Variants in ALG13 observed in about 807,000 individuals in gnomAD.
ALG13 encodes the protein UDP-N-acetylglucosamine transferase subunit ALG13.
Under a neutral mutation model 87.8 loss-of-function variants are expected in ALG13, and 11 were observed. The observed-to-expected ratio is 0.13, with a 90% CI of 0.08 to 0.21. The LOEUF (loss-of-function observed/expected upper bound fraction) is 0.21. Among genes scored for constraint, ALG13 ranks in the 10% least tolerant of loss-of-function variants. The pLI is 1.00. For missense variants in ALG13, 756 were observed against 866.1 expected (o/e 0.87, Z 1.60); for synonymous variants, 320 against 306.3 (o/e 1.04, Z -0.47).
chrX:111,684,662 G>A (rs1225478513), intron 2 of ALG13, among the ~76,000 whole-genome samples: 1 of 111,904 alleles, frequency 8.9e-6, no homozygotes, highest in Non-Finnish European at 1.9e-5. Flanking sequence ...CCCGTCACAA[G>A]GCTATACCCC....
intron 4 of ALG13, 131 bp downstream of exon 4, chrX:111,708,524 T>C: frequency 1.3e-6 from 1 of 794,029 alleles, no homozygotes; most frequent in Admixed American, 3.1e-5. Context: ...GTCAAGGTCC[T>C]AGAGAGAAGC....
intron 8 of ALG13, 107 bp from the exon 9 acceptor site, chrX:111,717,739 G>A: frequency 2.0e-6 from 1 of 496,238 alleles, no homozygotes; most frequent in Non-Finnish European, 3.2e-6. Context: ...AATTCAGTTA[G>A]TTATCAGTTA....
intron 3 of ALG13, among the ~76,000 whole-genome samples, chrX:111,697,185 T>C (rs1033281793): frequency 9.0e-6 from 1 of 111,190 alleles, no homozygotes; most frequent in Non-Finnish European, 1.9e-5. Flanking sequence ...CATTAATAGG[T>C]GATCTATGGA....
intron 3 of ALG13, chrX:111,686,275 T>A: frequency 5.4e-6 from 2 of 371,285 alleles, no homozygotes; most frequent in Non-Finnish European, 8.2e-6. Flanking sequence ...TATATATATT[T>A]ATTTACATTA....
Position 111,708,989 on chromosome X carries a change from T to C in ALG13, c.775T>C (p.Leu259=), listed in dbSNP as rs940576359. ...GTTGTTTTGCAGCCAGGTCCATCAT[T>C]TGGAAATCAGGAAGGCTTGTGTCTC... ...EQLFCSQVHH[L]EIRKACVSYM... The change falls in exon 5 of 27, where the codon TTG becomes CTG. Residue 259 remains leucine (L), a synonymous_variant. Coordinates refer to ENST00000394780, the MANE Select transcript of ALG13 (RefSeq NM_001099922.3). The C allele has an allele frequency of 1.7e-6, 2 of 1,188,935 alleles. No homozygotes were observed. The highest frequency in any genetic ancestry group is 2.3e-6 in the Non-Finnish European group (2 of 881,703).
At chrX:111,705,526 C>T (rs1162632834) in intron 3 of ALG13, among the ~76,000 whole-genome samples, 7 of 111,168 alleles carry the variant, frequency 6.3e-5, no homozygotes, top group African/African-American at 2.0e-4. Context: ...TCTGAGAACT[C>T]ACTGCCTAAC....
intron 14 of ALG13, 58 bp from the exon 15 acceptor site, chrX:111,724,876 T>C: frequency 8.6e-7 from 1 of 1,158,484 alleles, no homozygotes; most frequent in African/African-American, 1.8e-5. Context: ...ATACGTGTAT[T>C]GAATGAAAGT....
At position 111,708,326 on chromosome X, in the gene ALG13, G is replaced by A. The variant is rs1186351490; in HGVS notation, c.683G>A (p.Ser228Asn). The A allele has an allele frequency of 1.7e-6, 2 of 1,211,754 alleles. No homozygotes were observed. Among genetic ancestry groups the A allele is most frequent in the Non-Finnish European group, 2.2e-6 (2 of 895,397 alleles). Residue 228 changes from serine (S) to asparagine (N), a missense_variant, in exon 4 of 27, where the codon AGC (serine) becomes AAC (asparagine). Physicochemically the swap from Ser to Asn is conservative, Grantham distance 46. Around this residue, in one of 9 missense-constraint regions of ALG13, gnomAD observed 153 missense variants for 168.7 expected, o/e 0.91. Coordinates refer to ENST00000394780, the MANE Select transcript of ALG13 (RefSeq NM_001099922.3). ...NEASMDEYLG[S>N]LGLFRKLTAK... The stretch of plus-strand genomic sequence containing the variant: ...GCATCAATGGATGAATATTTAGGCA[G>A]CTTAGGGCTGTTTCGAAAGCTGACT...
chrX:111,736,975 T>C, intron 23 of ALG13, 96 bp downstream of exon 23: 1 of 730,069 alleles, frequency 1.4e-6, no homozygotes, highest in Admixed American at 3.8e-5. Context: ...ATTACTTTAA[T>C]TTCCAGAATT....
At chrX:111,688,153 A>C (rs941331125) in intron 3 of ALG13, 2 of 846,872 alleles carry the variant, frequency 2.4e-6, no homozygotes, top group African/African-American at 4.3e-5. Flanking sequence ...TATGTTGTGC[A>C]CATTTGCATT....
intron 19 of ALG13, among the ~76,000 whole-genome samples, chrX:111,729,886 T>G (rs1942482906): frequency 8.9e-6 from 1 of 112,284 alleles, no homozygotes; most frequent in Admixed American, 9.5e-5. Flanking sequence ...ACTCATACTT[T>G]ATAGACACCA....
chrX:111,712,802 G>A (rs1940007124), intron 7 of ALG13, among the ~76,000 whole-genome samples: 1 of 111,976 alleles, frequency 8.9e-6, no homozygotes, highest in Non-Finnish European at 1.9e-5. Flanking sequence ...CGCATTGTCT[G>A]TGGCTGCTTT....
At chrX:111,706,001 G>A (rs1307222161) in intron 3 of ALG13, among the ~76,000 whole-genome samples, 2 of 110,574 alleles carry the variant, frequency 1.8e-5, no homozygotes, top group African/African-American at 6.6e-5. Flanking sequence ...TGAAGCATTT[G>A]TGTTTTTCTT....
In ALG13 at chrX:111,753,480, C is replaced by G. The variant is rs937408151; in HGVS notation, c.2973+650C>G. 3.6e-5 allele frequency among the ~76,000 whole-genome samples: 4 copies of G among 111,375 alleles called. No homozygotes were observed. In the East Asian group the frequency reaches 1.1e-3, roughly 32 times the overall value. The stretch of plus-strand genomic sequence containing the variant: ...CAGAGCTGATAGAGACACAAAAAAC[C>G]CTTCAAAAAATCTGAATCCAGGAGC... On this transcript the variant is annotated intron_variant, in intron 25 of 26. Coordinates refer to ENST00000394780, the MANE Select transcript of ALG13 (RefSeq NM_001099922.3).
At chrX:111,707,573 TTG>T (rs1296619573) in intron 3 of ALG13, among the ~76,000 whole-genome samples, 1 of 112,061 alleles carries the variant, frequency 8.9e-6, no homozygotes, top group African/African-American at 3.2e-5. Context: ...TTCTCCTTTT[TTG>T]TGTTTATTAA....
intron 1 of ALG13, chrX:111,681,538 C>T (rs1405045327): frequency 3.1e-6 from 3 of 978,465 alleles, no homozygotes; most frequent in East Asian, 3.7e-5. Context: ...GCTCCTCTCC[C>T]TCATTTCTTC....
At position 111,707,238 on chromosome X, in the gene ALG13, A is replaced by G. The variant is rs958566722; in HGVS notation, c.384-789A>G. Among the ~76,000 whole-genome samples the G allele has an allele frequency of 5.3e-5, 6 of 112,377 alleles. 1 individual carries two copies. The highest frequency in any genetic ancestry group is 2.8e-4 in the Admixed American group (3 of 10,627). ...TGTCCAACTCATCTCATACTCTACC[A>G]TACCATTTCAAATGTAGTCTATCCA... On this transcript the variant is annotated intron_variant, in intron 3 of 26. Coordinates refer to ENST00000394780, the MANE Select transcript of ALG13 (RefSeq NM_001099922.3).
At chrX:111,690,367 C>T in intron 3 of ALG13, 2 of 752,771 alleles carry the variant, frequency 2.7e-6, no homozygotes, top group South Asian at 6.8e-5. Flanking sequence ...AAGAGGTAGA[C>T]AGTTAATAGA....
intron 15 of ALG13, 125 bp from the exon 16 acceptor site, chrX:111,726,684 T>C: frequency 1.3e-6 from 1 of 768,867 alleles, no homozygotes; most frequent in Non-Finnish European, 1.9e-6. Flanking sequence ...ATTCCCTCCC[T>C]ATGTTTATTT....
Sources: gnomAD v4.1 joint callset for allele counts (sites outside exome capture counted in the v4.1 genomes callset) on GRCh38, gnomAD v4.1.1 for gene constraint, gnomAD v4.1.1 regional missense constraint, MANE v1.5 for transcripts, NCBI Gene and HGNC (gene_info 2026-07-23, HGNC 2026-07-21) for gene names.